FHL2: variants seen among roughly 807,000 people sequenced by gnomAD.
FHL2 encodes the protein four and a half LIM domains protein 2.
A neutral mutation model predicts 32.7 loss-of-function variants in FHL2; 20 were observed. That is an observed-to-expected ratio of 0.61 (90% CI 0.43 to 0.89). The LOEUF is 0.89. FHL2 is among the 40% of genes least tolerant of loss of function. FHL2 has a pLI of 0.00. For synonymous variants in FHL2, 123 were observed against 128.1 expected (o/e 0.96, Z 0.27); for missense variants, 311 against 358.6 (o/e 0.87, Z 1.07).
chr2:105,390,895 T>G (rs908692913), intron 2 of FHL2, among the ~76,000 whole-genome samples: 1 of 151,902 alleles, frequency 6.6e-6, no homozygotes, highest in Non-Finnish European at 1.5e-5. Context: ...CTCCCGGGTT[T>G]CAGTGATTCT....
chr2:105,385,425 C>T (rs902824647), intron 3 of FHL2, among the ~76,000 whole-genome samples: 3 of 152,152 alleles, frequency 2.0e-5, no homozygotes, highest in Admixed American at 2.0e-4. Flanking sequence ...CTGATATTAA[C>T]GACCAGGGAG....
rs142473444 is a variant in FHL2, at chr2:105,363,529, C to T, written c.502-58G>A. On this transcript the variant is annotated intron_variant, in intron 5 of 6. Coordinates refer to ENST00000530340, the MANE Select transcript of FHL2 (RefSeq NM_001318895.3). Reference sequence around the variant, plus strand: ...TCTGTGCTTGGCAGACATCTTCAGTCTCAGCTACTGCCACTGGACGATGCA... The same window carrying T: ...TCTGTGCTTGGCAGACATCTTCAGTTTCAGCTACTGCCACTGGACGATGCA... The T allele has an allele frequency of 4.9e-3, 7,198 of 1,464,654 alleles. 22 individuals are homozygous for T. The highest frequency in any genetic ancestry group is 0.022 in the Middle Eastern group (106 of 4,908). The allele number at this position is 1,464,654 out of a possible 1,614,324, so 90.7% of individuals were successfully genotyped here.
chr2:105,387,352 A>AT (rs1682400432), intron 2 of FHL2, among the ~76,000 whole-genome samples: 1 of 152,204 alleles, frequency 6.6e-6, no homozygotes, highest in African/African-American at 2.4e-5. Context: ...GAAACCTGAG[A>AT]TTAGATGCAA....
Position 105,389,029 on chromosome 2 carries a change from C to A in FHL2, c.-24-2489G>T, listed in dbSNP as rs544203363. On this transcript the variant is annotated intron_variant, in intron 2 of 6. Transcript: ENST00000530340. ...TTTTGTACTATTGCGTATACACGAT[C>A]CTGACAACTGTAAGCAAGGAAAAGA... 7.2e-5 allele frequency among the ~76,000 whole-genome samples: 11 copies of A among 152,308 alleles called. No homozygotes were observed. The East Asian group carries it at 1.9e-3, about 27-fold the overall frequency.
At chr2:105,384,654 T>C (rs1483454891) in intron 3 of FHL2, among the ~76,000 whole-genome samples, 1 of 152,206 alleles carries the variant, frequency 6.6e-6, no homozygotes, top group Non-Finnish European at 1.5e-5. Context: ...ATTACAGATA[T>C]GCACCACCAC....
chr2:105,429,409 A>G (rs1289358545), intron 1 of FHL2, among the ~76,000 whole-genome samples: 1 of 152,200 alleles, frequency 6.6e-6, no homozygotes, highest in Non-Finnish European at 1.5e-5. Flanking sequence ...GACATCCCCC[A>G]ATGTAATCAC....
chr2:105,387,577 G>T (rs1682414138), intron 2 of FHL2, among the ~76,000 whole-genome samples: 1 of 152,204 alleles, frequency 6.6e-6, no homozygotes, highest in South Asian at 2.1e-4. Context: ...GGCTCTCTGG[G>T]CAACACCTCA....
chr2:105,404,062 C>A (rs1175762919), upstream of FHL2, among the ~76,000 whole-genome samples: 1 of 152,142 alleles, frequency 6.6e-6, no homozygotes, highest in Admixed American at 6.5e-5. Context: ...AGCCTCCTAC[C>A]CGGATGGGGG....
In FHL2 at chr2:105,386,388, A is replaced by G; in HGVS notation, c.129T>C (p.Cys43=). The G allele has an allele frequency of 6.2e-7, 1 of 1,614,100 alleles. No individual in the cohort carries two copies. The highest frequency in any genetic ancestry group is 1.7e-5 in the Admixed American group (1 of 60,022). Residue 43 remains cysteine (C), a synonymous_variant, in exon 3 of 7, where the codon TGT becomes TGC. Transcript: ENST00000530340. ...ETLFANTCEE[C]GKPIGCDCKD... is the part of the protein sequence containing the mutation. ...TGCAGTCACAGCCGATGGGCTTCCC[A>G]CACTCCTCGCAGGTGTTGGCGAACA...
intron 1 of FHL2, among the ~76,000 whole-genome samples, chr2:105,413,755 C>T (rs1329555512): frequency 6.6e-6 from 1 of 152,240 alleles, no homozygotes; most frequent in Non-Finnish European, 1.5e-5. Flanking sequence ...CCTGAGATTA[C>T]AAGTGTGAGC....
At chr2:105,419,868 C>T (rs746118971) in intron 1 of FHL2, among the ~76,000 whole-genome samples, 3 of 152,126 alleles carry the variant, frequency 2.0e-5, no homozygotes, top group African/African-American at 7.2e-5. Context: ...AGCTAAGGAA[C>T]AGAAGAAGGT....
chr2:105,397,104 T>A (rs577781795), intron 1 of FHL2: 205 of 158,816 alleles, frequency 1.3e-3, no homozygotes, highest in Non-Finnish European at 2.3e-3. Context: ...TAACACGCAA[T>A]CTTGGGTCAA....
intron 1 of FHL2, among the ~76,000 whole-genome samples, chr2:105,422,958 T>C (rs1684149522): frequency 6.6e-6 from 1 of 152,136 alleles, no homozygotes; most frequent in Non-Finnish European, 1.5e-5. Context: ...ACTAATTTAC[T>C]CTCCCACTTC....
chr2:105,379,894 G>A (rs921326137), intron 3 of FHL2, among the ~76,000 whole-genome samples: 6 of 152,200 alleles, frequency 3.9e-5, no homozygotes, highest in East Asian at 1.9e-4. Context: ...CCACGCCGGC[G>A]ACCTAGTTTG....
At chr2:105,421,073 TG>T (rs1274349030) in intron 1 of FHL2, among the ~76,000 whole-genome samples, 2 of 152,248 alleles carry the variant, frequency 1.3e-5, no homozygotes, top group Non-Finnish European at 2.9e-5. Context: ...TGTCCTATAC[TG>T]GATCCAGCTC....
At position 105,367,542 on chromosome 2, in the gene FHL2, G is replaced by A; in HGVS notation, c.501+28C>T. Reference sequence around the variant, plus strand: ...CATGGAGGCAAACCAGCCAGAACGTGCAAGGGCCAAGGGGGCATCTGAGAT... The same window carrying A: ...CATGGAGGCAAACCAGCCAGAACGTACAAGGGCCAAGGGGGCATCTGAGAT... On this transcript the variant is annotated intron_variant, in intron 5 of 6. Coordinates refer to ENST00000530340, the MANE Select transcript of FHL2 (RefSeq NM_001318895.3). The A allele has an allele frequency of 6.3e-7, 1 of 1,583,852 alleles. No homozygotes were observed. Among genetic ancestry groups the A allele is most frequent in the Non-Finnish European group, 8.6e-7 (1 of 1,161,934 alleles).
intron 1 of FHL2, among the ~76,000 whole-genome samples, chr2:105,431,815 G>GC (rs1344945507): frequency 6.6e-6 from 1 of 152,182 alleles, no homozygotes; most frequent in Non-Finnish European, 1.5e-5. Context: ...GGCTGCTCCT[G>GC]CCCAAGGCTG....
intron 1 of FHL2, among the ~76,000 whole-genome samples, chr2:105,421,575 AAATGCTCCAG>A (rs60688342): frequency 0.04 from 6,093 of 152,264 alleles, 391 homozygotes; most frequent in African/African-American, 0.14. Flanking sequence ...TCTGGCAACA[AAATGCTCCAG>A]ATGAAAGAAA....
intron 1 of FHL2, among the ~76,000 whole-genome samples, chr2:105,433,473 C>T (rs1409943253): frequency 3.3e-5 from 5 of 152,160 alleles, no homozygotes; most frequent in Non-Finnish European, 4.4e-5. Flanking sequence ...TGAGCCACCG[C>T]GCCCGGCTTC....
Sources: gnomAD v4.1 joint callset for allele counts (sites outside exome capture counted in the v4.1 genomes callset) on GRCh38, gnomAD v4.1.1 for gene constraint, MANE v1.5 for transcripts, NCBI Gene and HGNC (gene_info 2026-07-23, HGNC 2026-07-21) for gene names.